EIF4G3: variants seen among roughly 807,000 people sequenced by gnomAD.
The protein encoded by EIF4G3 is eIF-4-gamma 3.
EIF4G3 carries 34 observed loss-of-function variants against 186.4 expected under a neutral mutation model. The observed-to-expected ratio is 0.18, with a 90% CI of 0.14 to 0.24. The LOEUF (loss-of-function observed/expected upper bound fraction) is 0.24, where lower values mean the gene tolerates loss of function less well. Ranked by LOEUF, EIF4G3 falls within the 10% of genes least tolerant of loss-of-function variation. EIF4G3 has a pLI of 1.00. For missense variants in EIF4G3, 1,536 were observed against 1,948.5 expected (o/e 0.79, Z 3.99); for synonymous variants, 673 against 679.5 (o/e 0.99, Z 0.15).
intron 14 of EIF4G3, among the ~76,000 whole-genome samples, chr1:20,912,762 G>C (rs1400484944): frequency 6.6e-6 from 1 of 152,150 alleles, no homozygotes; most frequent in East Asian, 1.9e-4. Context: ...AGATCTACAA[G>C]TTGGCACTAA....
chr1:20,854,549 A>AT (rs1175881356), intron 26 of EIF4G3, among the ~76,000 whole-genome samples: 3 of 150,472 alleles, frequency 2.0e-5, no homozygotes, highest in African/African-American at 7.3e-5. Context: ...AAAAAAAAAA[A>AT]AAAAAATCAG....
At chr1:20,820,099 A>G (rs2061960778) in intron 33 of EIF4G3, among the ~76,000 whole-genome samples, 2 of 151,868 alleles carry the variant, frequency 1.3e-5, no homozygotes, top group South Asian at 4.2e-4. Flanking sequence ...TGCGGACCCA[A>G]GCCTCCTGCT....
At chr1:21,071,141 G>C (rs919434069) in intron 3 of EIF4G3, among the ~76,000 whole-genome samples, 3 of 152,136 alleles carry the variant, frequency 2.0e-5, no homozygotes, top group Non-Finnish European at 4.4e-5. Flanking sequence ...GGCATGGCTC[G>C]TGCCTGTAAT....
chr1:20,872,111 C>T (rs550323541), intron 20 of EIF4G3, among the ~76,000 whole-genome samples: 1 of 151,242 alleles, frequency 6.6e-6, no homozygotes, highest in African/African-American at 2.4e-5. Context: ...AAAAAAAAAT[C>T]TGTGTGTGTG....
In EIF4G3 at chr1:21,118,084, C is replaced by T. The variant is rs997905372; in HGVS notation, c.-271-28871G>A. Among the ~76,000 whole-genome samples, 15 of 152,252 alleles carry T rather than the reference C, an allele frequency of 9.9e-5. No homozygotes were observed. The East Asian group carries it at 2.5e-3, about 25-fold the overall frequency. ...GATTCCAGCAAAGATAATCCCACTCCTTTTATTTGAGAAGACATTAGAAAA... is the reference window on the plus strand; with the variant it reads ...GATTCCAGCAAAGATAATCCCACTCTTTTTATTTGAGAAGACATTAGAAAA... On this transcript the variant is annotated intron_variant, in intron 2 of 36. Coordinates refer to ENST00000602326, the MANE Select transcript of EIF4G3 (RefSeq NM_001391906.1).
chr1:20,909,502 TTATAAAG>T lies in EIF4G3; in HGVS notation c.1664-4538_1664-4532del, dbSNP rs139019278. Among the ~76,000 whole-genome samples the T allele has an allele frequency of 5.5e-3, 841 of 152,318 alleles. 3 individuals are homozygous for T. Among genetic ancestry groups the T allele is most frequent in the Non-Finnish European group, 9.5e-3 (649 of 68,022 alleles). The stretch of plus-strand genomic sequence containing the variant: ...AAAAGATACACCCATTGAAGAGCAC[TTATAAAG>T]TATAGACAGATATAAAGTTAAAAAA... On this transcript the variant is annotated intron_variant, in intron 14 of 36. Coordinates refer to ENST00000602326, the MANE Select transcript of EIF4G3 (RefSeq NM_001391906.1).
chr1:21,064,331 T>C (rs1045546752), intron 3 of EIF4G3, among the ~76,000 whole-genome samples: 2 of 152,144 alleles, frequency 1.3e-5, no homozygotes, highest in South Asian at 2.1e-4. Flanking sequence ...TGGACAGGAA[T>C]AGGATTTAAT....
At chr1:21,122,697 A>G (rs1397884072) in intron 2 of EIF4G3, among the ~76,000 whole-genome samples, 2 of 152,220 alleles carry the variant, frequency 1.3e-5, no homozygotes, top group East Asian at 1.9e-4. Flanking sequence ...GCCCAAACCA[A>G]TAATATCGAG....
chr1:21,147,319 T>C (rs921097896), intron 2 of EIF4G3, among the ~76,000 whole-genome samples: 1 of 152,052 alleles, frequency 6.6e-6, no homozygotes. Context: ...ATGCACTGTT[T>C]TGCTAAGTTT....
chr1:21,110,587 G>A (rs1461346273), intron 2 of EIF4G3, among the ~76,000 whole-genome samples: 2 of 151,982 alleles, frequency 1.3e-5, no homozygotes, highest in South Asian at 2.1e-4. Context: ...GAGCCACCAC[G>A]CCTGGCCTAA....
chr1:21,054,979 G>A (rs2154577904), intron 3 of EIF4G3, among the ~76,000 whole-genome samples: 1 of 152,160 alleles, frequency 6.6e-6, no homozygotes, highest in East Asian at 1.9e-4. Flanking sequence ...ATTTTCTTGG[G>A]AAAATTTTGT....
chr1:21,018,508 T>G (rs975838687), intron 4 of EIF4G3, among the ~76,000 whole-genome samples: 7 of 151,012 alleles, frequency 4.6e-5, no homozygotes, highest in Non-Finnish European at 8.8e-5. Flanking sequence ...TGCAGTGAGC[T>G]GAGATCACGC....
intron 7 of EIF4G3, among the ~76,000 whole-genome samples, chr1:20,985,681 A>G (rs181088477): frequency 9.3e-4 from 142 of 152,306 alleles, no homozygotes; most frequent in African/African-American, 3.3e-3. Flanking sequence ...GATTTCCCAA[A>G]CTGCTTGCAA....
intron 2 of EIF4G3, among the ~76,000 whole-genome samples, chr1:21,103,700 C>T (rs1032591540): frequency 7.2e-5 from 11 of 152,000 alleles, no homozygotes; most frequent in African/African-American, 2.7e-4. Flanking sequence ...AAAAATTAGC[C>T]GAGTGTGGTG....
chr1:21,066,894 A>C (rs1435056925), intron 3 of EIF4G3, among the ~76,000 whole-genome samples: 3 of 152,224 alleles, frequency 2.0e-5, no homozygotes, highest in African/African-American at 7.2e-5. Context: ...TAAAAACAGT[A>C]CATATACTTT....
intron 6 of EIF4G3, chr1:20,998,757 C>T (rs1451671577): frequency 8.7e-6 from 3 of 343,126 alleles, no homozygotes; most frequent in Admixed American, 3.5e-5. Flanking sequence ...GATACTAATA[C>T]GTTAGCTATT....
intron 3 of EIF4G3, chr1:21,073,742 T>C (rs765273730): frequency 2.1e-6 from 1 of 476,186 alleles, no homozygotes; most frequent in Non-Finnish European, 4.2e-6. Context: ...TGTAGGGAAG[T>C]CTATGATGGT....
chr1:21,068,648 C>G (rs756492042), intron 3 of EIF4G3, among the ~76,000 whole-genome samples: 2 of 152,144 alleles, frequency 1.3e-5, no homozygotes, highest in Non-Finnish European at 2.9e-5. Context: ...TACGTCACCT[C>G]TGTGTCTATT....
At chr1:20,864,329 T>A in intron 22 of EIF4G3, 147 bp downstream of exon 22, 1 of 687,962 alleles carries the variant, frequency 1.5e-6, no homozygotes. Flanking sequence ...AGCACGATGG[T>A]TGAACACTGA....
Sources: gnomAD v4.1 joint callset for allele counts (sites outside exome capture counted in the v4.1 genomes callset) on GRCh38, gnomAD v4.1.1 for gene constraint, MANE v1.5 for transcripts, NCBI Gene and HGNC (gene_info 2026-07-23, HGNC 2026-07-21) for gene names.